SDCCAG8: variants seen among roughly 807,000 people sequenced by gnomAD.
The protein encoded by SDCCAG8 is SHH signaling and ciliogenesis regulator SDCCAG8.
SDCCAG8 carries 74 observed loss-of-function variants against 101.8 expected under a neutral mutation model. The observed-to-expected ratio is 0.73, with a 90% confidence interval of 0.60 to 0.88. SDCCAG8 has a LOEUF of 0.88. SDCCAG8 is among the 40% of genes least tolerant of loss of function. SDCCAG8 has a pLI of 0.00. For synonymous variants in SDCCAG8, 281 were observed against 292.9 expected (o/e 0.96, Z 0.41); for missense variants, 787 against 822.6 (o/e 0.96, Z 0.53).
At chr1:243,467,557 C>T (rs1192003186) in intron 16 of SDCCAG8, among the ~76,000 whole-genome samples, 4 of 152,220 alleles carry the variant, frequency 2.6e-5, no homozygotes, top group African/African-American at 9.6e-5. Context: ...CATTTGAGAT[C>T]CACCCGTTTA....
rs1263987750 is a variant in SDCCAG8 at position 243,458,925 on chromosome 1, C to T, written c.1986-30089C>T. ...GCCTTAAGCTATTGCATGAATATCTCTATGTGGGAAATTCTTGTGTTCTGA... is the reference window on the plus strand; with the variant it reads ...GCCTTAAGCTATTGCATGAATATCTTTATGTGGGAAATTCTTGTGTTCTGA... On this transcript the variant is annotated intron_variant, in intron 16 of 17. Coordinates refer to ENST00000366541, the MANE Select transcript of SDCCAG8 (RefSeq NM_006642.5). The surrounding 1 kb of genome is among the most constrained non-coding windows in gnomAD (Gnocchi z 4.5). Among the ~76,000 whole-genome samples, 1 of 152,130 alleles carries T rather than the reference C, an allele frequency of 6.6e-6. No individual in the cohort carries two copies. The highest frequency in any genetic ancestry group is 1.5e-5 in the Non-Finnish European group (1 of 68,034).
intron 13 of SDCCAG8, among the ~76,000 whole-genome samples, chr1:243,411,566 A>G (rs1297107731): frequency 6.6e-6 from 1 of 152,160 alleles, no homozygotes; most frequent in East Asian, 1.9e-4. Context: ...CACCCAAAAC[A>G]TGTCCTTGTG....
rs190388344 is a variant in SDCCAG8 at position 243,317,391 on chromosome 1, G to T, written c.1068+498G>T. On this transcript the variant is annotated intron_variant, in intron 9 of 17. Coordinates refer to ENST00000366541, the MANE Select transcript of SDCCAG8 (RefSeq NM_006642.5). Reference sequence around the variant, plus strand: ...GCTGGAGTGCAATGGCACGATTTCGGCTCACAGCAACCTCTTCCTCCTGGG... The same window carrying T: ...GCTGGAGTGCAATGGCACGATTTCGTCTCACAGCAACCTCTTCCTCCTGGG... 2.6e-5 allele frequency among the ~76,000 whole-genome samples: 4 copies of T among 151,118 alleles called. No homozygotes were observed. In the East Asian group the frequency reaches 7.8e-4, roughly 29 times the overall value.
chr1:243,473,919 C>CGGGGGGGGGG (rs1460893006), intron 16 of SDCCAG8, among the ~76,000 whole-genome samples: 1 of 3,440 alleles, frequency 2.9e-4, no homozygotes, highest in African/African-American at 9.7e-4. Context: ...GGAGAGTTGC[C>CGGGGGGGGGG]GGCGGGGGGG....
At chr1:243,454,129 A>G (rs1373814336) in intron 16 of SDCCAG8, among the ~76,000 whole-genome samples, 1 of 152,188 alleles carries the variant, frequency 6.6e-6, no homozygotes, top group Non-Finnish European at 1.5e-5. Context: ...GTAAATTTAA[A>G]ATGAGAACAG....
intron 9 of SDCCAG8, among the ~76,000 whole-genome samples, chr1:243,324,385 A>G (rs2073988435): frequency 6.6e-6 from 1 of 150,436 alleles, no homozygotes; most frequent in African/African-American, 2.5e-5. Flanking sequence ...TTCAGAGTCA[A>G]ATTTCTATTT....
At chr1:243,296,674 C>G (rs372098738) in intron 6 of SDCCAG8, among the ~76,000 whole-genome samples, 1 of 150,652 alleles carries the variant, frequency 6.6e-6, no homozygotes, top group East Asian at 2.0e-4. Context: ...TCCCGAGTAG[C>G]TGGGACTACA....
intron 16 of SDCCAG8, among the ~76,000 whole-genome samples, chr1:243,427,712 T>C (rs2081435113): frequency 6.6e-6 from 1 of 152,178 alleles, no homozygotes; most frequent in Admixed American, 6.5e-5. Flanking sequence ...TTTACGTTGA[T>C]TACTTGCTTT....
chr1:243,373,093 T>C (rs1248093107), intron 12 of SDCCAG8, among the ~76,000 whole-genome samples: 1 of 151,958 alleles, frequency 6.6e-6, no homozygotes, highest in Non-Finnish European at 1.5e-5. Context: ...CATTTATATG[T>C]GTGTGTGTCT....
At chr1:243,329,496 T>C (rs1211429155) in intron 9 of SDCCAG8, among the ~76,000 whole-genome samples, 4 of 152,180 alleles carry the variant, frequency 2.6e-5, no homozygotes, top group African/African-American at 9.7e-5. Flanking sequence ...TAAAATCAAA[T>C]GTGACTATGA....
intron 12 of SDCCAG8, among the ~76,000 whole-genome samples, chr1:243,364,588 C>T (rs1359523702): frequency 2.0e-5 from 3 of 152,138 alleles, no homozygotes; most frequent in African/African-American, 7.2e-5. Context: ...ATTCCATGGT[C>T]TGAACTATTA....
intron 13 of SDCCAG8, among the ~76,000 whole-genome samples, chr1:243,382,769 G>A (rs1261027117): frequency 6.6e-6 from 1 of 152,228 alleles, no homozygotes; most frequent in South Asian, 2.1e-4. Flanking sequence ...CATAGTCCAG[G>A]GGGAGAGTAA....
chr1:243,414,106 G>A (rs548905722), intron 13 of SDCCAG8, among the ~76,000 whole-genome samples: 1 of 152,286 alleles, frequency 6.6e-6, no homozygotes, highest in South Asian at 2.1e-4. Flanking sequence ...TAACTAAAGT[G>A]TGATAAATAC....
intron 1 of SDCCAG8, among the ~76,000 whole-genome samples, chr1:243,263,772 A>G (rs542449634): frequency 6.6e-6 from 1 of 152,368 alleles, no homozygotes; most frequent in South Asian, 2.1e-4. Context: ...GATTCAAACA[A>G]AAAAGTATTC....
intron 12 of SDCCAG8, among the ~76,000 whole-genome samples, chr1:243,366,831 A>G (rs1034405393): frequency 6.6e-6 from 1 of 152,090 alleles, no homozygotes; most frequent in Non-Finnish European, 1.5e-5. Flanking sequence ...GTGTGTGCAC[A>G]TATGTATATG....
At chr1:243,473,894 A>G (rs962589795) in intron 16 of SDCCAG8, among the ~76,000 whole-genome samples, 5 of 91,248 alleles carry the variant, frequency 5.5e-5, no homozygotes, top group Non-Finnish European at 1.0e-4. Flanking sequence ...CTTACAAATG[A>G]GTTTGGTTAT....
chr1:243,261,646 C>T (rs1558197142), intron 1 of SDCCAG8, among the ~76,000 whole-genome samples: 2 of 152,188 alleles, frequency 1.3e-5, no homozygotes, highest in African/African-American at 4.8e-5. Flanking sequence ...CTTAAGAAAA[C>T]ATATGTGTAA....
rs569860675 is a variant in SDCCAG8, at chr1:243,309,457, T to G, written c.929+1280T>G. Among the ~76,000 whole-genome samples the G allele has an allele frequency of 2.6e-5, 4 of 152,326 alleles. No homozygotes were observed. In the South Asian group the frequency reaches 8.3e-4, roughly 32 times the overall value. On this transcript the variant is annotated intron_variant, in intron 8 of 17. Transcript: ENST00000366541. ...TATACTCCCAAGAATGATCAATATGTCTTCTAGCTGTGATTTCCACACATG... is the reference window on the plus strand; with the variant it reads ...TATACTCCCAAGAATGATCAATATGGCTTCTAGCTGTGATTTCCACACATG...
intron 16 of SDCCAG8, among the ~76,000 whole-genome samples, chr1:243,437,367 A>G (rs1024630260): frequency 1.3e-5 from 2 of 152,134 alleles, no homozygotes; most frequent in African/African-American, 4.8e-5. Flanking sequence ...CCAGTGCGGG[A>G]GGTATACGGT....
Sources: allele counts gnomAD v4.1 joint callset (sites outside exome capture counted in the v4.1 genomes callset), GRCh38; gene constraint gnomAD v4.1.1; non-coding constraint Gnocchi (gnomAD v3.1); transcripts MANE v1.5; gene names NCBI Gene and HGNC (gene_info 2026-07-23, HGNC 2026-07-21).